PSMD14: variants seen among roughly 807,000 people sequenced by gnomAD.
PSMD14 encodes the protein proteasome 26S subunit, non-ATPase 14.
Under a neutral mutation model 41.2 loss-of-function variants are expected in PSMD14, and 7 were observed. The ratio of observed to expected loss-of-function variants is 0.17; its 90% CI spans 0.10 to 0.32. PSMD14 has a LOEUF of 0.32. Ranked by LOEUF, PSMD14 falls within the 10% of genes least tolerant of loss-of-function variation. The pLI, the probability that PSMD14 is intolerant of heterozygous loss-of-function variation, is 1.00. For synonymous variants in PSMD14, 114 were observed against 122.3 expected, an observed-to-expected ratio of 0.93 and a Z score of 0.45; for missense variants, 139 against 375.6, an observed-to-expected ratio of 0.37 and a Z score of 5.21.
chr2:161,346,884 T>C (rs1241114478), intron 3 of PSMD14, among the ~76,000 whole-genome samples: 5 of 152,142 alleles, frequency 3.3e-5, no homozygotes, highest in Non-Finnish European at 7.3e-5. Context: ...AGACCATGCA[T>C]TGATTCCTCA....
At chr2:161,345,564 A>G (rs986282157) in intron 3 of PSMD14, among the ~76,000 whole-genome samples, 1 of 151,822 alleles carries the variant, frequency 6.6e-6, no homozygotes, top group Admixed American at 6.6e-5. Context: ...CCTGGCCTCT[A>G]TTCATATTGT....
In PSMD14 at chr2:161,398,387, C is replaced by T. The variant is rs376542846; in HGVS notation, c.771+3184C>T. On this transcript the variant is annotated intron_variant, in intron 10 of 11. Transcript: ENST00000409682. ...AGGTTAGAGAATAATTAAATTCTTA[C>T]GTCCCAAGTTTTCAGTTTCAAGTCT... is the stretch of plus-strand genomic sequence containing the variant. 7.2e-5 allele frequency among the ~76,000 whole-genome samples: 11 copies of T among 152,026 alleles called. No individual in the cohort carries two copies. The East Asian group carries it at 1.3e-3, about 19-fold the overall frequency.
rs3769960 is a variant in PSMD14, at chr2:161,386,279, A to G, written c.570+708A>G. 2.0e-5 allele frequency among the ~76,000 whole-genome samples: 3 copies of G among 151,956 alleles called. 1 individual carries two copies. In the East Asian group the frequency reaches 5.8e-4, roughly 29 times the overall value. On this transcript the variant is annotated intron_variant, in intron 8 of 11. Coordinates refer to ENST00000409682, the MANE Select transcript of PSMD14 (RefSeq NM_005805.6). ...ACAGTCTGTGTCTATCTAGTTAATTACTACTCTAAAGATTAATTAAAAGGA... is the reference window on the plus strand; with the variant it reads ...ACAGTCTGTGTCTATCTAGTTAATTGCTACTCTAAAGATTAATTAAAAGGA...
At chr2:161,313,814 C>A (rs1369211956) in intron 1 of PSMD14, among the ~76,000 whole-genome samples, 2 of 136,200 alleles carry the variant, frequency 1.5e-5, no homozygotes, top group African/African-American at 5.5e-5. Flanking sequence ...ATTTCAAATA[C>A]ATTTCTAGTA....
chr2:161,327,373 A>G (rs1682714442), intron 3 of PSMD14, among the ~76,000 whole-genome samples: 1 of 152,162 alleles, frequency 6.6e-6, no homozygotes, highest in South Asian at 2.1e-4. Flanking sequence ...TTAAAGTGGC[A>G]AATTTTATAT....
At chr2:161,329,574 A>G (rs1559039492) in intron 3 of PSMD14, among the ~76,000 whole-genome samples, 1 of 152,176 alleles carries the variant, frequency 6.6e-6, no homozygotes, top group East Asian at 1.9e-4. Context: ...TTAGTAGATT[A>G]ATTTGGGCAT....
chr2:161,367,221 G>A (rs1302412661), intron 3 of PSMD14, among the ~76,000 whole-genome samples: 1 of 152,194 alleles, frequency 6.6e-6, no homozygotes. Context: ...CCATGTTGTA[G>A]CCAAGGTAGA....
At chr2:161,334,768 C>G (rs1311851024) in intron 3 of PSMD14, among the ~76,000 whole-genome samples, 1 of 152,270 alleles carries the variant, frequency 6.6e-6, no homozygotes. Context: ...CAGGGTCTCA[C>G]TATATCGCCC....
intron 3 of PSMD14, among the ~76,000 whole-genome samples, chr2:161,331,975 C>G (rs1394048037): frequency 6.6e-6 from 1 of 152,098 alleles, no homozygotes; most frequent in Non-Finnish European, 1.5e-5. Context: ...TTCTGATGTC[C>G]CAGCCTATTT....
At chr2:161,392,233 C>G (rs1683722107) in intron 9 of PSMD14, among the ~76,000 whole-genome samples, 1 of 152,248 alleles carries the variant, frequency 6.6e-6, no homozygotes, top group Non-Finnish European at 1.5e-5. Context: ...GTATTTCTCT[C>G]TGGGAAAGTT....
At chr2:161,339,543 G>T (rs866809581) in intron 3 of PSMD14, among the ~76,000 whole-genome samples, 2 of 143,064 alleles carry the variant, frequency 1.4e-5, no homozygotes, top group Non-Finnish European at 3.0e-5. Flanking sequence ...AAGTTTATTG[G>T]ACTGAACAAA....
intron 7 of PSMD14, among the ~76,000 whole-genome samples, chr2:161,375,968 T>G (rs892828000): frequency 6.6e-6 from 1 of 151,516 alleles, no homozygotes; most frequent in African/African-American, 2.4e-5. Context: ...CTTTCAGGGG[T>G]GGGTAGCAAA....
chr2:161,358,212 G>T (rs1683234104), intron 3 of PSMD14, among the ~76,000 whole-genome samples: 1 of 152,052 alleles, frequency 6.6e-6, no homozygotes, highest in South Asian at 2.1e-4. Flanking sequence ...AAACATGATT[G>T]AAGTGATTGA....
intron 5 of PSMD14, 94 bp downstream of exon 5, chr2:161,367,997 T>A (rs1574132411): frequency 1.5e-6 from 2 of 1,350,908 alleles, no homozygotes; most frequent in Non-Finnish European, 9.9e-7. Flanking sequence ...TTACATTTTC[T>A]CTTTCCAGTA....
intron 3 of PSMD14, among the ~76,000 whole-genome samples, chr2:161,350,872 C>T (rs1447017586): frequency 6.6e-6 from 1 of 151,626 alleles, no homozygotes; most frequent in Non-Finnish European, 1.5e-5. Context: ...TTGTACTTCT[C>T]CATTTCCCCC....
At chr2:161,317,277 G>C (rs1371422974) in intron 2 of PSMD14, among the ~76,000 whole-genome samples, 1 of 152,054 alleles carries the variant, frequency 6.6e-6, no homozygotes, top group Admixed American at 6.6e-5. Context: ...TGGAAATTTT[G>C]TCTGTATTAC....
intron 3 of PSMD14, among the ~76,000 whole-genome samples, chr2:161,343,062 A>G (rs1042945674): frequency 5.3e-5 from 8 of 152,028 alleles, no homozygotes; most frequent in Admixed American, 3.3e-4. Context: ...TCTTTTTTTA[A>G]TTGTGATCAT....
intron 3 of PSMD14, among the ~76,000 whole-genome samples, chr2:161,345,793 AT>A (rs370663872): frequency 1.3e-5 from 2 of 151,762 alleles, no homozygotes; most frequent in African/African-American, 4.8e-5. Flanking sequence ...AGATATTTAT[AT>A]TTTTTCTGCT....
chr2:161,389,804 C>A (rs1683682222), intron 8 of PSMD14, among the ~76,000 whole-genome samples: 3 of 150,762 alleles, frequency 2.0e-5, no homozygotes. Flanking sequence ...TCAGAATGAC[C>A]TAGGTTCAGA....
Sources: gnomAD v4.1 joint callset for allele counts (sites outside exome capture counted in the v4.1 genomes callset) on GRCh38, gnomAD v4.1.1 for gene constraint, MANE v1.5 for transcripts, NCBI Gene and HGNC (gene_info 2026-07-23, HGNC 2026-07-21) for gene names.